TBC1D22A: variants seen among roughly 807,000 people sequenced by gnomAD.
TBC1D22A encodes putative GTPase activator.
A neutral mutation model predicts 60.2 loss-of-function variants in TBC1D22A; 38 were observed. The ratio of observed to expected loss-of-function variants is 0.63; its 90% CI spans 0.49 to 0.83. The LOEUF (loss-of-function observed/expected upper bound fraction) is 0.83. TBC1D22A is among the 40% of genes least tolerant of loss of function. TBC1D22A has a pLI of 0.00. For synonymous variants in TBC1D22A, 302 were observed against 281.7 expected (o/e 1.07, Z -0.72); for missense variants, 628 against 701.0 (o/e 0.90, Z 1.18).
chr22:46,889,503 C>T (rs952290504), intron 5 of TBC1D22A, among the ~76,000 whole-genome samples: 3 of 152,096 alleles, frequency 2.0e-5, no homozygotes, highest in Non-Finnish European at 4.4e-5. Context: ...CCCAGTAACT[C>T]GACTCCTAGG....
intron 12 of TBC1D22A, among the ~76,000 whole-genome samples, chr22:47,137,886 TCAGA>T (rs979218549): frequency 4.6e-5 from 7 of 152,090 alleles, no homozygotes; most frequent in Non-Finnish European, 7.4e-5. Flanking sequence ...GGAAACTGTC[TCAGA>T]CAGGAAGTTT....
chr22:46,829,327 T>C (rs1039149647), intron 4 of TBC1D22A, among the ~76,000 whole-genome samples: 1 of 152,128 alleles, frequency 6.6e-6, no homozygotes, highest in African/African-American at 2.4e-5. Context: ...CTGGTGAAAT[T>C]AGGTAATGTT....
intron 8 of TBC1D22A, among the ~76,000 whole-genome samples, chr22:46,942,826 A>G (rs1315872131): frequency 2.0e-5 from 3 of 152,184 alleles, no homozygotes; most frequent in Non-Finnish European, 2.9e-5. Context: ...TACTTATGAA[A>G]CTTTTCCTTA....
chr22:47,098,766 C>T (rs1010129061), intron 11 of TBC1D22A, among the ~76,000 whole-genome samples: 2 of 152,240 alleles, frequency 1.3e-5, no homozygotes, highest in Non-Finnish European at 2.9e-5. Context: ...ACTTTGCTGA[C>T]AGTCCTGCCC....
rs116618599 is a variant in TBC1D22A, at chr22:47,085,823, G to C, written c.1330-25685G>C. Reference sequence around the variant, plus strand: ...TAGTTTTATGGTCAAATTAATATTTGTTCACCGGGAATCCAGAGATGGGAG... The same window carrying C: ...TAGTTTTATGGTCAAATTAATATTTCTTCACCGGGAATCCAGAGATGGGAG... On this transcript the variant is annotated intron_variant, in intron 11 of 12. Coordinates refer to ENST00000337137, the MANE Select transcript of TBC1D22A (RefSeq NM_014346.5). 8.1e-3 allele frequency among the ~76,000 whole-genome samples: 1,226 copies of C among 152,232 alleles called. 16 individuals are homozygous for C. The highest frequency in any genetic ancestry group is 0.027 in the African/African-American group (1,142 of 41,528).
At chr22:46,781,783 TAG>T (rs914205421) in intron 1 of TBC1D22A, among the ~76,000 whole-genome samples, 18 of 152,216 alleles carry the variant, frequency 1.2e-4, no homozygotes, top group African/African-American at 4.1e-4. Flanking sequence ...TGTCGTGGGT[TAG>T]AGTCTGTGAC....
chr22:46,902,809 G>A (rs2069096747), intron 7 of TBC1D22A, among the ~76,000 whole-genome samples: 1 of 150,240 alleles, frequency 6.7e-6, no homozygotes, highest in African/African-American at 2.5e-5. Context: ...GGCACGTGGG[G>A]ACACGAAGAC....
intron 12 of TBC1D22A, among the ~76,000 whole-genome samples, chr22:47,167,646 G>T (rs6008052): frequency 1.3e-5 from 2 of 152,140 alleles, no homozygotes; most frequent in South Asian, 4.1e-4. Context: ...TCAGCTGCAA[G>T]AAGAGACCTG....
intron 12 of TBC1D22A, among the ~76,000 whole-genome samples, chr22:47,139,412 C>T (rs549996877): frequency 1.3e-5 from 2 of 152,328 alleles, no homozygotes; most frequent in South Asian, 2.1e-4. Flanking sequence ...CAAACATGAG[C>T]CGTGGAGGGC....
At chr22:46,962,357 C>T (rs990256077) in intron 8 of TBC1D22A, among the ~76,000 whole-genome samples, 1 of 152,228 alleles carries the variant, frequency 6.6e-6, no homozygotes, top group Non-Finnish European at 1.5e-5. Flanking sequence ...AAAAGAAGGT[C>T]AAGGTGCTGA....
At chr22:47,139,243 T>C (rs2066991761) in intron 12 of TBC1D22A, among the ~76,000 whole-genome samples, 3 of 152,354 alleles carry the variant, frequency 2.0e-5, no homozygotes, top group Admixed American at 1.3e-4. Flanking sequence ...CGCCAAAGAC[T>C]GGCCCTTGGT....
chr22:46,988,533 T>C (rs1270642420), intron 9 of TBC1D22A, among the ~76,000 whole-genome samples: 1 of 152,208 alleles, frequency 6.6e-6, no homozygotes, highest in Non-Finnish European at 1.5e-5. Flanking sequence ...GAACACAACT[T>C]TCATCTTCCT....
intron 8 of TBC1D22A, among the ~76,000 whole-genome samples, chr22:46,950,809 C>T (rs1204977332): frequency 3.3e-5 from 5 of 152,118 alleles, no homozygotes; most frequent in Non-Finnish European, 5.9e-5. Flanking sequence ...CATGGATAAC[C>T]GGGGACAATA....
intron 8 of TBC1D22A, among the ~76,000 whole-genome samples, chr22:46,948,459 T>C (rs190263217): frequency 2.8e-4 from 42 of 152,356 alleles, no homozygotes; most frequent in Non-Finnish European, 5.9e-4. Context: ...TGGGTGCCCA[T>C]GGGGGTAGAG....
intron 8 of TBC1D22A, among the ~76,000 whole-genome samples, chr22:46,935,219 A>G (rs1305769696): frequency 6.6e-6 from 1 of 152,238 alleles, no homozygotes; most frequent in Non-Finnish European, 1.5e-5. Flanking sequence ...AGAGTCCAAC[A>G]TTAGCACCTT....
chr22:47,156,165 C>G (rs1195768508), intron 12 of TBC1D22A, among the ~76,000 whole-genome samples: 2 of 152,182 alleles, frequency 1.3e-5, no homozygotes, highest in Non-Finnish European at 2.9e-5. Context: ...AAACCCATAC[C>G]CCATGGTTTC....
At chr22:46,763,206 C>A (rs939395691) in intron 1 of TBC1D22A, 1 of 259,290 alleles carries the variant, frequency 3.9e-6, no homozygotes, top group Non-Finnish European at 7.4e-6. Flanking sequence ...CGGGCTGAGG[C>A]CCCCCGTCTG....
At chr22:46,989,103 C>T (rs973343964) in intron 9 of TBC1D22A, among the ~76,000 whole-genome samples, 1 of 152,214 alleles carries the variant, frequency 6.6e-6, no homozygotes, top group Non-Finnish European at 1.5e-5. Context: ...TAGCTTCCAC[C>T]CTTTCTTCTG....
Position 46,777,243 on chromosome 22 carries a change from C to T in TBC1D22A, c.62+14395C>T, listed in dbSNP as rs796240589. 8.2e-6 allele frequency among the ~76,000 whole-genome samples: 1 copy of T among 122,168 alleles called. No homozygotes were observed. The highest frequency in any genetic ancestry group is 2.7e-4 in the South Asian group (1 of 3,672). 80.1% of individuals were successfully genotyped at this position (122,168 alleles called of 152,430 possible). On this transcript the variant is annotated intron_variant, in intron 1 of 12. Coordinates refer to ENST00000337137, the MANE Select transcript of TBC1D22A (RefSeq NM_014346.5). This position sits in a 1 kb window ranked among gnomAD's most constrained non-coding sequence, Gnocchi z 4.5. ...TTAAGTTAGTGGGACAGAGGGTTTT[C>T]GATGCCAGGACATGGGCCAGTGAGA...
Sources: allele counts gnomAD v4.1 joint callset (sites outside exome capture counted in the v4.1 genomes callset), GRCh38; gene constraint gnomAD v4.1.1; non-coding constraint Gnocchi (gnomAD v3.1); transcripts MANE v1.5; gene names NCBI Gene and HGNC (gene_info 2026-07-23, HGNC 2026-07-21).